LARGE1: variants seen among roughly 807,000 people sequenced by gnomAD.
LARGE1 encodes the protein LARGE xylosyl- and glucuronyltransferase 1.
LARGE1 carries 43 observed loss-of-function variants against 87.6 expected under a neutral mutation model. The ratio of observed to expected loss-of-function variants is 0.49; its 90% CI spans 0.38 to 0.63. The LOEUF (loss-of-function observed/expected upper bound fraction) is 0.63, where lower values mean the gene tolerates loss of function less well. LARGE1 is among the 30% of genes least tolerant of loss of function. LARGE1 has a pLI of 0.00. For synonymous variants in LARGE1, 434 were observed against 394.6 expected (o/e 1.10, Z -1.18); for missense variants, 802 against 1,000.2 (o/e 0.80, Z 2.67).
At chr22:33,618,687 G>C (rs1179243176) in intron 4 of LARGE1, among the ~76,000 whole-genome samples, 1 of 152,164 alleles carries the variant, frequency 6.6e-6, no homozygotes, top group African/African-American at 2.4e-5. Context: ...TACCTGGAAG[G>C]GGTGAGAATT....
At chr22:33,504,011 C>T (rs1569220379) in intron 6 of LARGE1, among the ~76,000 whole-genome samples, 1 of 152,014 alleles carries the variant, frequency 6.6e-6, no homozygotes, top group Non-Finnish European at 1.5e-5. Context: ...GTCAAAGACA[C>T]CAAACAGAAA....
At position 33,230,937 on chromosome 22, in the gene LARGE1, G is replaced by A. The variant is rs140046537; in HGVS notation, c.1731-64105C>T. 8.5e-5 allele frequency among the ~76,000 whole-genome samples: 13 copies of A among 152,278 alleles called. 1 individual carries two copies. The South Asian group carries it at 1.0e-3, about 12-fold the overall frequency. On this transcript the variant is annotated intron_variant, in intron 11 of 11. Coordinates refer to the LARGE1 transcript ENST00000608642. ...TTGACATTCTAGGCCTTTCGCCATC[G>A]TGTCCTATTGTAACTTTTCCAATAT...
intron 6 of LARGE1, among the ~76,000 whole-genome samples, chr22:33,526,415 C>G (rs2071898755): frequency 6.6e-6 from 1 of 152,212 alleles, no homozygotes; most frequent in African/African-American, 2.4e-5. Flanking sequence ...AGAGAAGAGG[C>G]TTCAGAGAAA....
rs568532451 is a variant in LARGE1, at chr22:33,553,898, C to A, written c.787+10950G>T. Among the ~76,000 whole-genome samples the A allele has an allele frequency of 2.0e-5, 3 of 152,298 alleles. No individual in the cohort carries two copies. The South Asian group carries it at 6.2e-4, about 32-fold the overall frequency. ...TCCTCCAGCTCACCTCCGTGAGAGT[C>A]TGAGCCCTGTGTGTCTAAGAAAGAC... On this transcript the variant is annotated intron_variant, in intron 6 of 14. Transcript: ENST00000397394.
At position 33,272,857 on chromosome 22, in the gene LARGE1, T is replaced by C. The variant is rs1391764319; in HGVS notation, c.*1570A>G. ...GGTAGAAGACAACATCTGGCTCCAGTGTTGAGAAAGATGCGGAATGGAAAA... is the reference window on the plus strand; with the variant it reads ...GGTAGAAGACAACATCTGGCTCCAGCGTTGAGAAAGATGCGGAATGGAAAA... On this transcript the variant is annotated 3_prime_UTR_variant, in exon 15 of 15. Coordinates refer to ENST00000397394, the MANE Select transcript of LARGE1 (RefSeq NM_133642.5). 3 of 152,032 alleles carry C rather than the reference T, an allele frequency of 2.0e-5. No individual in the cohort carries two copies. Among genetic ancestry groups the C allele is most frequent in the Non-Finnish European group, 1.5e-5 (1 of 68,024 alleles). The allele number at this position is 152,032 out of a possible 1,614,324, so 9.4% of individuals were successfully genotyped here.
intron 6 of LARGE1, among the ~76,000 whole-genome samples, chr22:33,522,595 G>A (rs1272505886): frequency 6.6e-6 from 1 of 152,116 alleles, no homozygotes; most frequent in Non-Finnish European, 1.5e-5. Flanking sequence ...CACTTTGGGA[G>A]GCCAAGGTGG....
At chr22:33,668,024 ATCTTATTTGACAGC>A (rs1293393617) in intron 2 of LARGE1, among the ~76,000 whole-genome samples, 1 of 152,208 alleles carries the variant, frequency 6.6e-6, no homozygotes, top group Non-Finnish European at 1.5e-5. Context: ...TCTTGCCAAC[ATCTTATTTGACAGC>A]TCTTCTTAAG....
At chr22:33,202,848 A>G (rs5998803) in intron 11 of LARGE1, among the ~76,000 whole-genome samples, 9 of 152,340 alleles carry the variant, frequency 5.9e-5, no homozygotes, top group African/African-American at 2.2e-4. Context: ...CAAAGGACAC[A>G]GTGGAAAAGA....
rs375674091 is a variant in LARGE1, at chr22:33,638,234, TGTAAG to T, written c.409-11913_409-11909del. ...CAATAGAAAAAGTGCATTAAAATAC[TGTAAG>T]GTTAGTTAGGACCCAGAATATAGGT... On this transcript the variant is annotated intron_variant, in intron 3 of 14. Transcript: ENST00000397394. Among the ~76,000 whole-genome samples the T allele has an allele frequency of 1.2e-3, 190 of 152,336 alleles. 3 individuals are homozygous for T. Among genetic ancestry groups the T allele is most frequent in the African/African-American group, 4.3e-3 (177 of 41,582 alleles).
the LARGE1 span, among the ~76,000 whole-genome samples, chr22:33,098,593 C>A: frequency 6.6e-6 from 1 of 152,138 alleles, no homozygotes; most frequent in Admixed American, 6.5e-5. Flanking sequence ...TGCACTCCAG[C>A]CTGGGCTACA....
intron 2 of LARGE1, among the ~76,000 whole-genome samples, chr22:33,657,509 T>C (rs1219224407): frequency 6.6e-6 from 1 of 152,180 alleles, no homozygotes; most frequent in East Asian, 1.9e-4. Flanking sequence ...TTGACTGCCA[T>C]TGTAGCATAA....
intron 2 of LARGE1, among the ~76,000 whole-genome samples, chr22:33,674,196 G>A (rs986696548): frequency 2.7e-5 from 4 of 150,856 alleles, no homozygotes; most frequent in South Asian, 4.2e-4. Context: ...TACCTGCCTC[G>A]GCCTCCCAAA....
chr22:33,491,667 T>G (rs999255810), intron 6 of LARGE1, among the ~76,000 whole-genome samples: 1 of 152,220 alleles, frequency 6.6e-6, no homozygotes, highest in Non-Finnish European at 1.5e-5. Flanking sequence ...AACCACTTAA[T>G]CTGAAATTGG....
In LARGE1 at chr22:33,909,825, A is replaced by C. The variant is rs1346499765; in HGVS notation, c.-83+10170T>G. Among the ~76,000 whole-genome samples, 3 of 152,330 alleles carry C rather than the reference A, an allele frequency of 2.0e-5. No homozygotes were observed. In the East Asian group the frequency reaches 5.8e-4, roughly 29 times the overall value. ...AGTGCTGGGATTACAGGCATGAGCC[A>C]CCACGCCCGGCCTAACTCACCAACT... On this transcript the variant is annotated intron_variant, in intron 1 of 14. Coordinates refer to ENST00000397394, the MANE Select transcript of LARGE1 (RefSeq NM_133642.5).
intron 6 of LARGE1, among the ~76,000 whole-genome samples, chr22:33,471,416 A>G (rs559159574): frequency 1.1e-4 from 17 of 152,246 alleles, no homozygotes; most frequent in Non-Finnish European, 1.3e-4. Context: ...AAAAACAACT[A>G]TAATAATAAT....
intron 2 of LARGE1, among the ~76,000 whole-genome samples, chr22:33,706,221 T>A (rs1432414186): frequency 6.6e-6 from 1 of 152,232 alleles, no homozygotes; most frequent in African/African-American, 2.4e-5. Context: ...TACAAATGCA[T>A]GTCTTTCTCT....
At chr22:33,165,662 C>T (rs929891525) in exon 12 of LARGE1, 1 of 152,144 alleles carries the variant, frequency 6.6e-6, no homozygotes, top group African/African-American at 2.4e-5. Context: ...ATCACACAGC[C>T]CAGCTGGGAA....
chr22:33,898,580 C>T (rs2065205612), intron 1 of LARGE1, among the ~76,000 whole-genome samples: 1 of 152,190 alleles, frequency 6.6e-6, no homozygotes, highest in Non-Finnish European at 1.5e-5. Context: ...CATGGGGAAA[C>T]TCTTTCTCTA....
intron 7 of LARGE1, among the ~76,000 whole-genome samples, chr22:33,415,327 T>C (rs1032470822): frequency 7.2e-5 from 11 of 152,158 alleles, no homozygotes; most frequent in Non-Finnish European, 1.2e-4. Flanking sequence ...AACCTGGAAA[T>C]AGAATCATTT....
Sources: allele counts gnomAD v4.1 joint callset (sites outside exome capture counted in the v4.1 genomes callset), GRCh38; gene constraint gnomAD v4.1.1; transcripts MANE v1.5; gene names NCBI Gene and HGNC (gene_info 2026-07-23, HGNC 2026-07-21).